The following CNNM1 variants were observed in gnomAD, a reference collection of about 807,000 sequenced individuals.
The protein encoded by CNNM1 is cyclin and CBS domain divalent metal cation transport mediator 1.
In CNNM1, 44 loss-of-function variants were observed where a neutral mutation model predicts 78.8. That is an observed-to-expected ratio of 0.56 (90% CI 0.44 to 0.72). The LOEUF is 0.72. Among genes scored for constraint, CNNM1 ranks in the 30% least tolerant of loss-of-function variants. CNNM1 has a pLI of 0.00. For synonymous variants in CNNM1, 584 were observed against 581.5 expected (o/e 1.00, Z -0.06); for missense variants, 1,101 against 1,292.2 (o/e 0.85, Z 2.27).
intron 1 of CNNM1, among the ~76,000 whole-genome samples, chr10:99,343,970 G>A (rs1237754576): frequency 5.4e-5 from 8 of 149,522 alleles, no homozygotes; most frequent in African/African-American, 1.7e-4. Flanking sequence ...TGATCAGCCC[G>A]CCTTGGCCTC....
chr10:99,351,195 G>A (rs551625921), intron 1 of CNNM1, among the ~76,000 whole-genome samples: 1 of 152,304 alleles, frequency 6.6e-6, no homozygotes, highest in East Asian at 1.9e-4. Context: ...ACACTAATTT[G>A]ACCTTCAGTA....
At position 99,394,172 on chromosome 10, in the gene CNNM1, G is replaced by A. The variant is rs868750810; in HGVS notation, c.*2656G>A. 5.9e-5 allele frequency: 9 copies of A among 152,206 alleles called. No homozygotes were observed. The highest frequency in any genetic ancestry group is 2.1e-4 in the South Asian group (1 of 4,800). 9.4% of individuals were successfully genotyped at this position (152,206 alleles called of 1,614,324 possible). A position where few individuals can be genotyped will look rare whatever the true frequency, so the allele number is the denominator to read the frequency against. On this transcript the variant is annotated 3_prime_UTR_variant, in exon 11 of 11. Coordinates refer to ENST00000356713, the MANE Select transcript of CNNM1 (RefSeq NM_020348.3). Reference sequence around the variant, plus strand: ...CCCATCCCTTTGCAAAATCCCTATGGAGCCTGTCACCACTCCCCTCCCTAT... The same window carrying A: ...CCCATCCCTTTGCAAAATCCCTATGAAGCCTGTCACCACTCCCCTCCCTAT...
In CNNM1 at chr10:99,364,960, G is replaced by A; in HGVS notation, c.2134G>A (p.Asp712Asn). Residue 712 changes from aspartate (D) to asparagine (N), a missense_variant, in exon 6 of 11, where the codon GAC becomes AAC. Physicochemically the swap from Asp to Asn is conservative, Grantham distance 23. This residue lies in a region of CNNM1 where 348 missense variants were observed against 384.5 expected (regional missense o/e 0.90). Coordinates refer to ENST00000356713, the MANE Select transcript of CNNM1 (RefSeq NM_020348.3). ...AIMTTACSDN[D>N]VRKVGSLAGS... Reference sequence around the variant, plus strand: ...CTGCATGCTTCTGTCCTTAGATAATGACGTGCGGAAGGTTGGAAGTCTGGC... The same window carrying A: ...CTGCATGCTTCTGTCCTTAGATAATAACGTGCGGAAGGTTGGAAGTCTGGC... 2 of 1,613,852 alleles carry A rather than the reference G, an allele frequency of 1.2e-6. No homozygotes were observed. The highest frequency in any genetic ancestry group is 2.2e-5 in the South Asian group (2 of 91,056).
At chr10:99,358,210 A>T (rs1296664071) in intron 2 of CNNM1, among the ~76,000 whole-genome samples, 6 of 152,194 alleles carry the variant, frequency 3.9e-5, no homozygotes, top group Non-Finnish European at 8.8e-5. Flanking sequence ...CCCTGCCACC[A>T]GCATCCCTGC....
intron 7 of CNNM1, among the ~76,000 whole-genome samples, chr10:99,378,251 C>T (rs933850792): frequency 6.6e-6 from 1 of 152,118 alleles, no homozygotes; most frequent in East Asian, 1.9e-4. Flanking sequence ...CGTGAGCCAC[C>T]GCGCCCAGCC....
In CNNM1 at chr10:99,361,310, C is replaced by T. The variant is rs542443912; in HGVS notation, c.1858+335C>T. Among the ~76,000 whole-genome samples the T allele has an allele frequency of 6.6e-4, 101 of 152,256 alleles. No homozygotes were observed. In the South Asian group the frequency reaches 0.011, roughly 16 times the overall value. ...CCCTGTCTGTTAGACTTGCAGTGCCCTAGAGCAGTGCCACAGAAGCCTGTG... is the reference window on the plus strand; with the variant it reads ...CCCTGTCTGTTAGACTTGCAGTGCCTTAGAGCAGTGCCACAGAAGCCTGTG... On this transcript the variant is annotated intron_variant, in intron 3 of 10. Coordinates refer to ENST00000356713, the MANE Select transcript of CNNM1 (RefSeq NM_020348.3).
chr10:99,384,105 G>T (rs2032237244), intron 7 of CNNM1, among the ~76,000 whole-genome samples: 1 of 152,072 alleles, frequency 6.6e-6, no homozygotes. Context: ...GTGACTACTA[G>T]AAAACTTTGA....
chr10:99,346,083 C>G (rs1193932816), intron 1 of CNNM1, among the ~76,000 whole-genome samples: 1 of 152,108 alleles, frequency 6.6e-6, no homozygotes, highest in Non-Finnish European at 1.5e-5. Context: ...TCATAGGAGC[C>G]TTTAATGCAA....
At chr10:99,338,401 C>T (rs1318656827) in intron 1 of CNNM1, among the ~76,000 whole-genome samples, 1 of 151,446 alleles carries the variant, frequency 6.6e-6, no homozygotes, top group African/African-American at 2.4e-5. Context: ...GCCTCAGCCT[C>T]CCAAGTAGCT....
At chr10:99,363,873 T>C (rs7899951) in intron 4 of CNNM1, among the ~76,000 whole-genome samples, 104,509 of 151,260 alleles carry the variant, frequency 0.69, 36,264 homozygotes, top group South Asian at 0.77. Flanking sequence ...GTCTCCTGAG[T>C]AGCTAGGACT....
chr10:99,338,796 A>C (rs1301115784), intron 1 of CNNM1, among the ~76,000 whole-genome samples: 1 of 152,200 alleles, frequency 6.6e-6, no homozygotes, highest in Non-Finnish European at 1.5e-5. Context: ...ACAAAAGGAA[A>C]AGCCCATTGT....
At position 99,330,759 on chromosome 10, in the gene CNNM1, C is replaced by T; in HGVS notation, c.1372C>T (p.Arg458Cys). 6.2e-7 allele frequency: 1 copy of T among 1,614,082 alleles called. No individual in the cohort carries two copies. Among genetic ancestry groups the T allele is most frequent in the Non-Finnish European group, 8.5e-7 (1 of 1,179,956 alleles). The part of the protein sequence containing the change: ...LDFATVSEIL[R>C]SGYTRIPVYE... The stretch of plus-strand genomic sequence containing the variant: ...CTTCGCCACTGTCTCCGAGATCCTG[C>T]GCAGCGGCTACACTCGCATCCCAGT... The change falls in exon 1 of 11, where the codon CGC (arginine) becomes TGC (cysteine). Residue 458 changes from arginine to cysteine, a missense_variant. Physicochemically the swap from Arg to Cys is radical, Grantham distance 180 (BLOSUM62 -3). Around this residue, in one of 3 missense-constraint regions of CNNM1, gnomAD observed 277 missense variants for 423.2 expected, o/e 0.65. Coordinates refer to ENST00000356713, the MANE Select transcript of CNNM1 (RefSeq NM_020348.3).
rs181347419 is a variant in CNNM1, at chr10:99,393,803, G to C, written c.*2287G>C. The C allele has an allele frequency of 2.0e-5, 3 of 152,270 alleles. No homozygotes were observed. Among genetic ancestry groups the C allele is most frequent in the African/African-American group, 7.2e-5 (3 of 41,430 alleles). The allele number at this position is 152,270 out of a possible 1,614,324, so 9.4% of individuals were successfully genotyped here. On this transcript the variant is annotated 3_prime_UTR_variant, in exon 11 of 11. Coordinates refer to ENST00000356713, the MANE Select transcript of CNNM1 (RefSeq NM_020348.3). ...GTGTTGCAGACAGGAGGGCCACAGC[G>C]TGTGGAAGTAAAGACTTTGGAGCTA...
intron 2 of CNNM1, 121 bp downstream of exon 2, chr10:99,357,776 C>A: frequency 1.1e-6 from 1 of 923,796 alleles, no homozygotes; most frequent in Non-Finnish European, 1.5e-6. Context: ...TGATGTGTGT[C>A]AGCCACCTAT....
chr10:99,338,260 G>T (rs1460510536), intron 1 of CNNM1, among the ~76,000 whole-genome samples: 2 of 151,622 alleles, frequency 1.3e-5, no homozygotes, highest in Non-Finnish European at 2.9e-5. Context: ...AATGCAATGG[G>T]AACATGGAGG....
chr10:99,385,052 C>CAA (rs780597974), intron 7 of CNNM1, among the ~76,000 whole-genome samples: 18 of 111,404 alleles, frequency 1.6e-4, no homozygotes, highest in African/African-American at 3.2e-4. Context: ...GACTCCATCT[C>CAA]AAAAAAAAAA....
chr10:99,381,280 G>T (rs2032142953), intron 7 of CNNM1, among the ~76,000 whole-genome samples: 1 of 151,724 alleles, frequency 6.6e-6, no homozygotes, highest in Non-Finnish European at 1.5e-5. Flanking sequence ...CAGGCATGGT[G>T]GTGGGCATCT....
Position 99,391,602 on chromosome 10 carries a change from G to C in CNNM1, c.*86G>C. 9.0e-7 allele frequency: 1 copy of C among 1,107,370 alleles called. No individual in the cohort carries two copies. The highest frequency in any genetic ancestry group is 1.6e-5 in the African/African-American group (1 of 64,496). 68.6% of individuals were successfully genotyped at this position (1,107,370 alleles called of 1,614,324 possible). Reference sequence around the variant, plus strand: ...CCTCCCATCATCTGCTTCCCCCAAGGCCTCCCACAGGTGACAGAATGTTCT... The same window carrying C: ...CCTCCCATCATCTGCTTCCCCCAAGCCCTCCCACAGGTGACAGAATGTTCT... On this transcript the variant is annotated 3_prime_UTR_variant, in exon 11 of 11. Coordinates refer to ENST00000356713, the MANE Select transcript of CNNM1 (RefSeq NM_020348.3).
chr10:99,359,004 C>CAAAAAAAAAAAAAAAAAAAAAAAAA, intron 2 of CNNM1, among the ~76,000 whole-genome samples: 1 of 51,500 alleles, frequency 1.9e-5, no homozygotes, highest in Non-Finnish European at 3.4e-5. Context: ...AAGACTGTCT[C>CAAAAAAAAAAAAAAAAAAAAAAAAA]AAAAAAAAAA....
Sources: gnomAD v4.1 joint callset for allele counts (sites outside exome capture counted in the v4.1 genomes callset) on GRCh38, gnomAD v4.1.1 for gene constraint, gnomAD v4.1.1 regional missense constraint, MANE v1.5 for transcripts, NCBI Gene and HGNC (gene_info 2026-07-23, HGNC 2026-07-21) for gene names.